Variants in MAN1A2 observed in about 807,000 individuals in gnomAD.
The protein encoded by MAN1A2 is mannosyl-oligosaccharide 1,2-alpha-mannosidase IB.
A neutral mutation model predicts 75.7 loss-of-function variants in MAN1A2; 26 were observed. The observed-to-expected ratio is 0.34, with a 90% CI of 0.25 to 0.48. The LOEUF (loss-of-function observed/expected upper bound fraction) is 0.48, where lower values mean the gene tolerates loss of function less well. MAN1A2 is among the 20% of genes least tolerant of loss of function. The pLI, the probability that MAN1A2 is intolerant of heterozygous loss-of-function variation, is 0.99. For missense variants in MAN1A2, 562 were observed against 775.5 expected (o/e 0.72, Z 3.27); for synonymous variants, 247 against 264.6 (o/e 0.93, Z 0.65).
chr1:117,492,139 C>G (rs555316903), intron 8 of MAN1A2, among the ~76,000 whole-genome samples: 2 of 152,184 alleles, frequency 1.3e-5, no homozygotes, highest in East Asian at 3.9e-4. Context: ...AGAATTTTTA[C>G]TGTGGACAAA....
At chr1:117,381,574 C>G (rs1224434518) in intron 1 of MAN1A2, among the ~76,000 whole-genome samples, 5 of 152,094 alleles carry the variant, frequency 3.3e-5, no homozygotes, top group Non-Finnish European at 1.5e-5. Context: ...TTTTCTTAAT[C>G]CAGTCTATCG....
chr1:117,471,109 A>G (rs1650140025), intron 8 of MAN1A2, among the ~76,000 whole-genome samples: 1 of 151,806 alleles, frequency 6.6e-6, no homozygotes. Context: ...TGAAGAAAAT[A>G]TAGGAAATCA....
At position 117,417,534 on chromosome 1, in the gene MAN1A2, AATATATATATAT is replaced by A. The variant is rs551507232; in HGVS notation, c.774+2716_774+2727del. On this transcript the variant is annotated intron_variant, in intron 4 of 12. Coordinates refer to ENST00000356554, the MANE Select transcript of MAN1A2 (RefSeq NM_006699.5). The stretch of plus-strand genomic sequence containing the variant: ...GACTTTGGAGATATCCTTGAGTTTA[AATATATATATAT>A]ATATATATATATGTGATATATATGT... Among the ~76,000 whole-genome samples, 102 of 89,208 alleles carry A rather than the reference AATATATATATAT, an allele frequency of 1.1e-3. 2 individuals are homozygous for A. Among genetic ancestry groups the A allele is most frequent in the African/African-American group, 4.3e-3 (96 of 22,094 alleles). The allele number at this position is 89,208 out of a possible 152,430, so 58.5% of individuals were successfully genotyped here.
chr1:117,489,119 A>C (rs1219376808), intron 8 of MAN1A2, among the ~76,000 whole-genome samples: 5 of 152,108 alleles, frequency 3.3e-5, no homozygotes, highest in African/African-American at 1.2e-4. Flanking sequence ...GCAGTCCTCC[A>C]TAGTACGTTT....
At chr1:117,463,589 A>G (rs1649893338) in intron 7 of MAN1A2, among the ~76,000 whole-genome samples, 1 of 152,148 alleles carries the variant, frequency 6.6e-6, no homozygotes, top group Non-Finnish European at 1.5e-5. Context: ...TGACCCTGGT[A>G]AATGTGAACA....
rs1647935554 is a variant in MAN1A2, at chr1:117,414,777, T to C, written c.720T>C (p.His240=). 2.5e-6 allele frequency: 4 copies of C among 1,610,988 alleles called. No individual in the cohort carries two copies. Among genetic ancestry groups the C allele is most frequent in the Non-Finnish European group, 2.5e-6 (3 of 1,177,860 alleles). The change falls in exon 4 of 13, where the codon CAT becomes CAC. Residue 240 remains histidine, a synonymous_variant. Transcript: ENST00000356554. ...ATACCCTTTATATCATGGGACTTCA[T>C]GATGAATTCCTAGATGGGCAAAGAT... ...ALDTLYIMGL[H]DEFLDGQRWI... is the part of the protein sequence containing the mutation.
At chr1:117,407,046 G>A (rs984974582) in intron 3 of MAN1A2, among the ~76,000 whole-genome samples, 67 of 152,126 alleles carry the variant, frequency 4.4e-4, no homozygotes, top group African/African-American at 1.6e-3. Context: ...TTTAAAGGTA[G>A]AAGAAAATTA....
At chr1:117,430,983 G>A (rs1217119338) in intron 5 of MAN1A2, among the ~76,000 whole-genome samples, 3 of 137,138 alleles carry the variant, frequency 2.2e-5, no homozygotes, top group African/African-American at 8.2e-5. Flanking sequence ...TGAGGTTGGC[G>A]GATCACTCGC....
In MAN1A2 at chr1:117,525,928, A is replaced by G. The variant is rs1652003485; in HGVS notation, c.*2971A>G. On this transcript the variant is annotated 3_prime_UTR_variant, in exon 13 of 13. Coordinates refer to ENST00000356554, the MANE Select transcript of MAN1A2 (RefSeq NM_006699.5). Reference sequence around the variant, plus strand: ...TTAAGCAGGTGTTTATATGTAAAATAAAACCTGGGTATCGAAGGGAAATGC... The same window carrying G: ...TTAAGCAGGTGTTTATATGTAAAATGAAACCTGGGTATCGAAGGGAAATGC... 6.6e-6 allele frequency: 1 copy of G among 151,782 alleles called. No individual in the cohort carries two copies. Among genetic ancestry groups the G allele is most frequent in the South Asian group, 2.1e-4 (1 of 4,828 alleles). 9.4% of individuals were successfully genotyped at this position (151,782 alleles called of 1,614,324 possible).
chr1:117,445,560 G>A (rs1157986218), intron 6 of MAN1A2, among the ~76,000 whole-genome samples: 1 of 151,300 alleles, frequency 6.6e-6, no homozygotes, highest in Non-Finnish European at 1.5e-5. Context: ...AAGGTCTTGC[G>A]CTTTTGTATC....
At position 117,459,579 on chromosome 1, in the gene MAN1A2, T is replaced by A. The variant is rs1649748944; in HGVS notation, c.951-910T>A. On this transcript the variant is annotated intron_variant, in intron 6 of 12. Transcript: ENST00000356554. ...TTACTCAGTCTGTGTTCAGAAGAAATTTAACCTTTTTAGAAGATAATGTCA... is the reference window on the plus strand; with the variant it reads ...TTACTCAGTCTGTGTTCAGAAGAAAATTAACCTTTTTAGAAGATAATGTCA... Among the ~76,000 whole-genome samples the A allele has an allele frequency of 2.0e-5, 3 of 152,294 alleles. No individual in the cohort carries two copies. In the South Asian group the frequency reaches 6.2e-4, roughly 32 times the overall value.
chr1:117,454,109 G>A (rs1649503595), intron 6 of MAN1A2, among the ~76,000 whole-genome samples: 1 of 152,106 alleles, frequency 6.6e-6, no homozygotes, highest in South Asian at 2.1e-4. Flanking sequence ...ACAGTATAAT[G>A]TAAATATAAC....
chr1:117,393,252 T>G (rs534369426), intron 1 of MAN1A2, among the ~76,000 whole-genome samples: 14 of 152,322 alleles, frequency 9.2e-5, no homozygotes, highest in Non-Finnish European at 1.9e-4. Context: ...TTAATTAACC[T>G]CTTGGTTATT....
At chr1:117,522,675 T>A (rs1651899016) in intron 12 of MAN1A2, 150 bp from the exon 13 acceptor site, 1 of 660,098 alleles carries the variant, frequency 1.5e-6, no homozygotes, top group Admixed American at 2.7e-5. Context: ...TGTGTTTAGA[T>A]CATTTGGGTG....
chr1:117,493,365 G>A, intron 9 of MAN1A2, 103 bp downstream of exon 9: 1 of 611,244 alleles, frequency 1.6e-6, no homozygotes, highest in Non-Finnish European at 2.8e-6. Context: ...TAGACATTCA[G>A]TAAATACATA....
chr1:117,503,862 G>A (rs1651272938), intron 12 of MAN1A2, among the ~76,000 whole-genome samples: 1 of 151,480 alleles, frequency 6.6e-6, no homozygotes. Context: ...GTTTCTAAAT[G>A]TCTATCTTAT....
intron 6 of MAN1A2, among the ~76,000 whole-genome samples, chr1:117,459,188 G>T (rs1474901251): frequency 6.6e-6 from 1 of 152,082 alleles, no homozygotes; most frequent in African/African-American, 2.4e-5. Flanking sequence ...GGAGACAATG[G>T]TCAGGCCCCA....
rs577996874 is a variant in MAN1A2, at chr1:117,524,948, A to G, written c.*1991A>G. The G allele has an allele frequency of 5.3e-4, 183 of 346,270 alleles. 1 individual carries two copies. Among genetic ancestry groups the G allele is most frequent in the South Asian group, 4.1e-3 (166 of 40,132 alleles). The allele number at this position is 346,270 out of a possible 1,614,324, so 21.4% of individuals were successfully genotyped here. ...TTCCTCGTAAAAGTAGCACAAGCCC[A>G]CTTATGAATCACTGAGAAAAAGTGA... On this transcript the variant is annotated 3_prime_UTR_variant, in exon 13 of 13. Coordinates refer to ENST00000356554, the MANE Select transcript of MAN1A2 (RefSeq NM_006699.5).
Position 117,499,424 on chromosome 1 carries a change from T to G in MAN1A2, c.1547T>G (p.Val516Gly). Residue 516 changes from valine (V) to glycine (G), a missense_variant, in exon 11 of 13, where the codon GTG (valine) becomes GGG (glycine). Coordinates refer to ENST00000356554, the MANE Select transcript of MAN1A2 (RefSeq NM_006699.5). ...GPESFKFDGAVEAVAVRQAEK... is the reference protein window; with the variant it reads ...GPESFKFDGAGEAVAVRQAEK... ...GAATCATTCAAGTTTGATGGTGCAG[T>G]GGAGGCTGTGGCTGTCCGGCAGGCT... 1 of 1,603,968 alleles carries G rather than the reference T, an allele frequency of 6.2e-7. No individual in the cohort carries two copies. The highest frequency in any genetic ancestry group is 8.5e-7 in the Non-Finnish European group (1 of 1,175,506).
Sources: allele counts gnomAD v4.1 joint callset (sites outside exome capture counted in the v4.1 genomes callset), GRCh38; gene constraint gnomAD v4.1.1; transcripts MANE v1.5; gene names NCBI Gene and HGNC (gene_info 2026-07-23, HGNC 2026-07-21).